MAGI2: variants seen among roughly 807,000 people sequenced by gnomAD.
MAGI2 encodes membrane associated guanylate kinase, WW and PDZ domain containing 2, also known as membrane-associated guanylate kinase, WW and PDZ domain-containing protein 2.
MAGI2 carries 35 observed loss-of-function variants against 133.3 expected under a neutral mutation model. The ratio of observed to expected loss-of-function variants is 0.26; its 90% CI spans 0.20 to 0.35. The LOEUF (loss-of-function observed/expected upper bound fraction) is 0.35, where lower values mean the gene tolerates loss of function less well. Ranked by LOEUF, MAGI2 falls within the 10% of genes least tolerant of loss-of-function variation. The pLI is 1.00. For missense variants in MAGI2, 1,636 were observed against 1,863.4 expected (o/e 0.88, Z 2.25); for synonymous variants, 729 against 710.6 (o/e 1.03, Z -0.41).
At chr7:79,005,228 A>G (rs567321919) in intron 2 of MAGI2, among the ~76,000 whole-genome samples, 2 of 152,318 alleles carry the variant, frequency 1.3e-5, no homozygotes, top group South Asian at 2.1e-4. Context: ...TCATTAGTCA[A>G]TAATGTTATT....
intron 2 of MAGI2, among the ~76,000 whole-genome samples, chr7:78,742,142 A>C (rs1471434981): frequency 6.6e-6 from 1 of 152,134 alleles, no homozygotes; most frequent in African/African-American, 2.4e-5. Flanking sequence ...TGAATGATAA[A>C]GAAATAAATA....
At chr7:78,436,389 A>G (rs1306578586) in intron 6 of MAGI2, among the ~76,000 whole-genome samples, 2 of 152,164 alleles carry the variant, frequency 1.3e-5, no homozygotes, top group African/African-American at 4.8e-5. Flanking sequence ...AAACATTTTA[A>G]TGAGGAGAAA....
chr7:78,740,784 T>C (rs934599913), intron 2 of MAGI2, among the ~76,000 whole-genome samples: 7 of 152,216 alleles, frequency 4.6e-5, no homozygotes, highest in Admixed American at 4.6e-4. Flanking sequence ...AAATGTATAC[T>C]GAATAAGGAT....
At chr7:79,115,973 T>C (rs555847278) in intron 1 of MAGI2, among the ~76,000 whole-genome samples, 11 of 148,480 alleles carry the variant, frequency 7.4e-5, no homozygotes, top group South Asian at 2.3e-4. Flanking sequence ...CAGACTCTCC[T>C]ATCCCAAATT....
rs189229949 is a variant in MAGI2, at chr7:78,773,242, T to C, written c.419-146003A>G. On this transcript the variant is annotated intron_variant, in intron 2 of 21. Coordinates refer to ENST00000354212, the MANE Select transcript of MAGI2 (RefSeq NM_012301.4). ...TAACAGAGACTTGATGAACATGGAA[T>C]ATGGACTGCATGTATTTTCTATTAA... Among the ~76,000 whole-genome samples the C allele has an allele frequency of 3.8e-3, 577 of 152,054 alleles. 9 individuals are homozygous for C. The highest frequency in any genetic ancestry group is 0.014 in the Admixed American group (207 of 15,270).
chr7:79,094,580 T>C (rs1817358744), intron 1 of MAGI2, among the ~76,000 whole-genome samples: 1 of 152,194 alleles, frequency 6.6e-6, no homozygotes, highest in Non-Finnish European at 1.5e-5. Flanking sequence ...ATGGAAACAG[T>C]GTCTATGGAA....
In MAGI2 at chr7:79,336,158, T is replaced by C. The variant is rs1442016935; in HGVS notation, c.301+116862A>G. 4.6e-5 allele frequency among the ~76,000 whole-genome samples: 7 copies of C among 152,248 alleles called. No homozygotes were observed. In the East Asian group the frequency reaches 7.7e-4, roughly 17 times the overall value. The stretch of plus-strand genomic sequence containing the variant: ...AGCATTTACAATATATTGGTTTACA[T>C]AGGTCATCTTATTTAATTCTCAGGA... On this transcript the variant is annotated intron_variant, in intron 1 of 21. Transcript: ENST00000354212.
intron 6 of MAGI2, among the ~76,000 whole-genome samples, chr7:78,461,966 A>G (rs1358544894): frequency 6.7e-6 from 1 of 150,120 alleles, no homozygotes; most frequent in Admixed American, 6.7e-5. Context: ...GAAACAGGAA[A>G]AATTAAATGA....
chr7:79,396,951 A>G lies in MAGI2; in HGVS notation c.301+56069T>C, dbSNP rs964282952. On this transcript the variant is annotated intron_variant, in intron 1 of 21. Transcript: ENST00000354212. ...TTAAAAATAAAAGTTTTTAAGTATA[A>G]AAATGTTAGAGAGATAAAAATTAGG... 1.3e-4 allele frequency among the ~76,000 whole-genome samples: 20 copies of G among 152,134 alleles called. No homozygotes were observed. In the East Asian group the frequency reaches 3.9e-3, roughly 29 times the overall value.
chr7:79,319,803 T>C (rs1425500501), intron 1 of MAGI2, among the ~76,000 whole-genome samples: 2 of 152,128 alleles, frequency 1.3e-5, no homozygotes, highest in Non-Finnish European at 2.9e-5. Flanking sequence ...ACACCATAAA[T>C]GGCTTCCTGA....
At chr7:78,198,931 G>C (rs914893016) in intron 11 of MAGI2, among the ~76,000 whole-genome samples, 1 of 152,180 alleles carries the variant, frequency 6.6e-6, no homozygotes, top group South Asian at 2.1e-4. Flanking sequence ...TGTTCAACAG[G>C]AAGTGACTAT....
rs571814134 is a variant in MAGI2 at position 79,114,219 on chromosome 7, G to A, written c.302-107013C>T. 2.0e-5 allele frequency among the ~76,000 whole-genome samples: 3 copies of A among 152,228 alleles called. No individual in the cohort carries two copies. In the South Asian group the frequency reaches 6.2e-4, roughly 32 times the overall value. On this transcript the variant is annotated intron_variant, in intron 1 of 21. Transcript: ENST00000354212. Reference sequence around the variant, plus strand: ...ACCCTGTATTTAATAGAGCCACCTAGGGATTCCTTCCTTGTCCTTCCTTAT... The same window carrying A: ...ACCCTGTATTTAATAGAGCCACCTAAGGATTCCTTCCTTGTCCTTCCTTAT...
At chr7:78,701,623 C>T (rs1023098283) in intron 2 of MAGI2, among the ~76,000 whole-genome samples, 12 of 151,890 alleles carry the variant, frequency 7.9e-5, no homozygotes, top group East Asian at 1.9e-4. Context: ...AAAACAAGCT[C>T]ACCCTGCCTT....
chr7:79,171,410 A>G (rs888247529), intron 1 of MAGI2, among the ~76,000 whole-genome samples: 1 of 151,924 alleles, frequency 6.6e-6, no homozygotes, highest in Admixed American at 6.6e-5. Context: ...TATGTTTCCA[A>G]TGACCCAATT....
intron 1 of MAGI2, among the ~76,000 whole-genome samples, chr7:79,138,976 C>CAAAAAAAAAAAAAAAAAAAAAA (rs57907314): frequency 1.5e-5 from 1 of 65,186 alleles, no homozygotes; most frequent in Non-Finnish European, 3.0e-5. Flanking sequence ...ACTCTTGTCT[C>CAAAAAAAAAAAAAAAAAAAAAA]AAAAAAAAAA....
chr7:78,608,690 G>GAGGATTTA (rs1251816279), intron 3 of MAGI2, among the ~76,000 whole-genome samples: 1 of 152,088 alleles, frequency 6.6e-6, no homozygotes, highest in East Asian at 1.9e-4. Flanking sequence ...TTTTGAAGGG[G>GAGGATTTA]AGGATTTAAG....
intron 1 of MAGI2, among the ~76,000 whole-genome samples, chr7:79,436,285 C>T (rs1053079149): frequency 6.7e-6 from 1 of 150,320 alleles, no homozygotes; most frequent in Non-Finnish European, 1.5e-5. Flanking sequence ...GGACATGAGC[C>T]TTGACAAATA....
chr7:79,072,353 T>C (rs1398364099), intron 1 of MAGI2, among the ~76,000 whole-genome samples: 1 of 152,226 alleles, frequency 6.6e-6, no homozygotes, highest in Non-Finnish European at 1.5e-5. Flanking sequence ...AGATCTTGTA[T>C]AGTATATCAG....
At chr7:78,981,918 C>G (rs1465546220) in intron 2 of MAGI2, among the ~76,000 whole-genome samples, 1 of 151,886 alleles carries the variant, frequency 6.6e-6, no homozygotes, top group Non-Finnish European at 1.5e-5. Context: ...TATTCCTTGA[C>G]AATTCCCTGG....
Sources: gnomAD v4.1 joint callset for allele counts (sites outside exome capture counted in the v4.1 genomes callset) on GRCh38, gnomAD v4.1.1 for gene constraint, MANE v1.5 for transcripts, NCBI Gene and HGNC (gene_info 2026-07-23, HGNC 2026-07-21) for gene names.